GABBR2: variants seen among roughly 807,000 people sequenced by gnomAD.
The protein encoded by GABBR2 is G-protein coupled receptor 51.
Under a neutral mutation model 105.6 loss-of-function variants are expected in GABBR2, and 23 were observed. The observed-to-expected ratio is 0.22, with a 90% CI of 0.16 to 0.31. The LOEUF is 0.31. Among genes scored for constraint, GABBR2 ranks in the 10% least tolerant of loss-of-function variants. The probability of loss-of-function intolerance (pLI) is 1.00; values close to 1 mark genes in which losing one functional copy is unlikely to be tolerated. For synonymous variants in GABBR2, 478 were observed against 499.7 expected, an observed-to-expected ratio of 0.96 and a Z score of 0.58; for missense variants, 734 against 1,245.5, an observed-to-expected ratio of 0.59 and a Z score of 6.18.
At chr9:98,623,590 C>A (rs113761123) in intron 1 of GABBR2, among the ~76,000 whole-genome samples, 22 of 152,320 alleles carry the variant, frequency 1.4e-4, no homozygotes, top group African/African-American at 5.3e-4. Flanking sequence ...CATTCTCTCG[C>A]ATTTCCTACC....
At chr9:98,300,720 T>C (rs1190486620) in intron 16 of GABBR2, among the ~76,000 whole-genome samples, 2 of 152,222 alleles carry the variant, frequency 1.3e-5, no homozygotes, top group Non-Finnish European at 2.9e-5. Context: ...CCTTCTCCTG[T>C]CCTTTCTCAC....
intron 2 of GABBR2, among the ~76,000 whole-genome samples, chr9:98,560,742 ATATAT>A (rs1383262932): frequency 2.0e-5 from 3 of 147,752 alleles, no homozygotes; most frequent in Admixed American, 6.8e-5. Context: ...AATATATAGT[ATATAT>A]TATATTTAGT....
At chr9:98,393,930 C>T (rs1056331698) in intron 9 of GABBR2, among the ~76,000 whole-genome samples, 3 of 152,212 alleles carry the variant, frequency 2.0e-5, no homozygotes, top group African/African-American at 7.2e-5. Context: ...AAGAATTACT[C>T]CTGGCCATCC....
At chr9:98,550,323 G>T (rs1488485726) in intron 2 of GABBR2, among the ~76,000 whole-genome samples, 1 of 152,200 alleles carries the variant, frequency 6.6e-6, no homozygotes, top group African/African-American at 2.4e-5. Flanking sequence ...AAATGTTTCA[G>T]CTCTAAATAG....
intron 13 of GABBR2, among the ~76,000 whole-genome samples, chr9:98,315,363 CTAA>C (rs1342684307): frequency 1.3e-5 from 2 of 152,180 alleles, no homozygotes; most frequent in Non-Finnish European, 2.9e-5. Flanking sequence ...GTTCTGGTCA[CTAA>C]TGTCATCCTC....
At chr9:98,595,137 A>C (rs574233851) in intron 1 of GABBR2, among the ~76,000 whole-genome samples, 1 of 152,274 alleles carries the variant, frequency 6.6e-6, no homozygotes, top group Admixed American at 6.5e-5. Flanking sequence ...AGAAAGTTTG[A>C]GATCAAGGCG....
intron 11 of GABBR2, among the ~76,000 whole-genome samples, chr9:98,374,876 G>T (rs1179086039): frequency 6.6e-6 from 1 of 152,180 alleles, no homozygotes; most frequent in African/African-American, 2.4e-5. Flanking sequence ...AGCCCTGAGA[G>T]TCCTAGTGAA....
At chr9:98,542,430 C>T (rs12338626) in intron 2 of GABBR2, among the ~76,000 whole-genome samples, 53,031 of 152,024 alleles carry the variant, frequency 0.35, 9,546 homozygotes, top group Middle Eastern at 0.5. Flanking sequence ...CTTCGTAAAC[C>T]TTATAATAGC....
intron 11 of GABBR2, among the ~76,000 whole-genome samples, chr9:98,382,419 T>C (rs1831994363): frequency 6.6e-6 from 1 of 152,098 alleles, no homozygotes. Context: ...GTTCACGCCA[T>C]TCTCCTGCCT....
At chr9:98,600,753 A>G (rs956672630) in intron 1 of GABBR2, among the ~76,000 whole-genome samples, 2 of 152,216 alleles carry the variant, frequency 1.3e-5, no homozygotes, top group African/African-American at 4.8e-5. Flanking sequence ...AGCCAGTCTC[A>G]AGTCCCGTAC....
intron 13 of GABBR2, among the ~76,000 whole-genome samples, chr9:98,336,136 C>T (rs771470545): frequency 6.6e-6 from 1 of 152,154 alleles, no homozygotes; most frequent in Admixed American, 6.5e-5. Context: ...ATCTGAATGA[C>T]AGGAAAGAGT....
At chr9:98,310,316 T>G (rs555049602) in intron 14 of GABBR2, among the ~76,000 whole-genome samples, 76 of 152,156 alleles carry the variant, frequency 5.0e-4, no homozygotes, top group African/African-American at 1.8e-3. Context: ...TGGCCTGATC[T>G]CGGCCCACCG....
At chr9:98,424,672 T>C (rs1254975110) in intron 7 of GABBR2, among the ~76,000 whole-genome samples, 1 of 149,870 alleles carries the variant, frequency 6.7e-6, no homozygotes, top group Non-Finnish European at 1.5e-5. Flanking sequence ...ATCACAAGCA[T>C]TCTTATACAC....
intron 1 of GABBR2, among the ~76,000 whole-genome samples, chr9:98,654,797 G>A (rs185967383): frequency 5.4e-4 from 82 of 152,246 alleles, no homozygotes; most frequent in African/African-American, 2.0e-3. Flanking sequence ...ACCCACATAC[G>A]GATATTTACA....
chr9:98,636,067 T>C (rs1829872255), intron 1 of GABBR2, among the ~76,000 whole-genome samples: 1 of 152,092 alleles, frequency 6.6e-6, no homozygotes, highest in East Asian at 1.9e-4. Context: ...ACCTGGGAAG[T>C]AGTCCTGGGC....
chr9:98,382,002 C>T (rs1360260525), intron 11 of GABBR2, among the ~76,000 whole-genome samples: 1 of 152,160 alleles, frequency 6.6e-6, no homozygotes, highest in Admixed American at 6.5e-5. Context: ...CTTTCATAGC[C>T]TTTGGCTTGT....
chr9:98,680,744 T>C (rs1296806683), intron 1 of GABBR2, among the ~76,000 whole-genome samples: 2 of 152,136 alleles, frequency 1.3e-5, no homozygotes, highest in Non-Finnish European at 2.9e-5. Context: ...GATATTAAAG[T>C]ATAATATAAA....
intron 2 of GABBR2, among the ~76,000 whole-genome samples, chr9:98,546,560 G>A (rs1828405954): frequency 9.2e-5 from 14 of 152,054 alleles, no homozygotes; most frequent in Admixed American, 8.5e-4. Flanking sequence ...ATTGCTTTTT[G>A]TTTGATACTG....
At chr9:98,450,574 A>C (rs1031732954) in intron 7 of GABBR2, among the ~76,000 whole-genome samples, 1 of 152,200 alleles carries the variant, frequency 6.6e-6, no homozygotes, top group Non-Finnish European at 1.5e-5. Flanking sequence ...CTGTCCAGCT[A>C]CCATTCCAGC....
Sources: gnomAD v4.1 joint callset for allele counts (sites outside exome capture counted in the v4.1 genomes callset) on GRCh38, gnomAD v4.1.1 for gene constraint, MANE v1.5 for transcripts, NCBI Gene and HGNC (gene_info 2026-07-23, HGNC 2026-07-21) for gene names.